The following MTMR3 variants were observed in gnomAD, a reference collection of about 807,000 sequenced individuals.
MTMR3 encodes the protein phosphatidylinositol-3,5-bisphosphate 3-phosphatase MTMR3.
Under a neutral mutation model 132.4 loss-of-function variants are expected in MTMR3, and 32 were observed. The ratio of observed to expected loss-of-function variants is 0.24; its 90% CI spans 0.18 to 0.32. The LOEUF (loss-of-function observed/expected upper bound fraction) is 0.32. Among genes scored for constraint, MTMR3 ranks in the 10% least tolerant of loss-of-function variants. MTMR3 has a pLI of 1.00. For synonymous variants in MTMR3, 556 were observed against 550.3 expected (o/e 1.01, Z -0.14); for missense variants, 1,216 against 1,489.6 (o/e 0.82, Z 3.02).
At chr22:30,024,597 C>T (rs1362030228) in intron 19 of MTMR3, 1 of 152,132 alleles carries the variant, frequency 6.6e-6, no homozygotes, top group Non-Finnish European at 1.5e-5. Flanking sequence ...ATCCTTAATC[C>T]AGCAGTGGGT....
At chr22:29,926,827 G>GT (rs757703643) in intron 1 of MTMR3, among the ~76,000 whole-genome samples, 76 of 152,250 alleles carry the variant, frequency 5.0e-4, no homozygotes, top group South Asian at 2.7e-3. Flanking sequence ...GCACAAAAAT[G>GT]TTTAATTTTG....
chr22:30,024,052 T>C (rs1484246034), intron 19 of MTMR3: 1 of 152,786 alleles, frequency 6.5e-6, no homozygotes, highest in African/African-American at 2.4e-5. Flanking sequence ...CCTAGCACTT[T>C]GGGAGGCCGA....
intron 1 of MTMR3, among the ~76,000 whole-genome samples, chr22:29,883,740 C>T (rs775410818): frequency 6.6e-5 from 10 of 152,166 alleles, no homozygotes; most frequent in Non-Finnish European, 1.3e-4. Flanking sequence ...GGTGGGTGTG[C>T]GCCCTTCGCC....
chr22:30,013,410 G>T lies in MTMR3; in HGVS notation c.1372G>T (p.Asp458Tyr). The change falls in exon 14 of 20, where the codon GAC (aspartate) becomes TAC (tyrosine). Residue 458 changes from aspartate (D) to tyrosine (Y), a missense_variant. By Grantham distance (160) the Asp-to-Tyr change is radical (BLOSUM62 -3). Coordinates refer to ENST00000401950, the MANE Select transcript of MTMR3 (RefSeq NM_021090.4). Reference protein sequence around the residue: ...EWLDFGHKFADRCGHGENSDD... With the variant: ...EWLDFGHKFAYRCGHGENSDD... ...GCTGGATTTTGGCCATAAATTTGCT[G>T]ACCGGTGTGGTCATGGGGAGAACTC... 1 of 1,614,068 alleles carries T rather than the reference G, an allele frequency of 6.2e-7. No individual in the cohort carries two copies. Among genetic ancestry groups the T allele is most frequent in the South Asian group, 1.1e-5 (1 of 91,026 alleles).
chr22:29,967,129 C>G (rs1349977386), intron 2 of MTMR3, among the ~76,000 whole-genome samples: 1 of 150,754 alleles, frequency 6.6e-6, no homozygotes. Flanking sequence ...GATACTGTAA[C>G]TTTTTTGCAG....
At chr22:29,945,712 G>GAAAAAAAAAAAAAAAAAAAAAAAAAA (rs1238843477) in intron 1 of MTMR3, among the ~76,000 whole-genome samples, 3 of 78,112 alleles carry the variant, frequency 3.8e-5, no homozygotes, top group African/African-American at 1.9e-4. Context: ...TCTTTAAAAT[G>GAAAAAAAAAAAAAAAAAAAAAAAAAA]AAAAAGAAAA....
chr22:29,932,533 A>G (rs573817020), intron 1 of MTMR3, among the ~76,000 whole-genome samples: 22 of 152,364 alleles, frequency 1.4e-4, no homozygotes, highest in Non-Finnish European at 1.6e-4. Flanking sequence ...ATTATGATTC[A>G]GATGATTAAT....
intron 1 of MTMR3, among the ~76,000 whole-genome samples, chr22:29,922,687 T>A (rs1407629655): frequency 6.6e-6 from 1 of 152,206 alleles, no homozygotes; most frequent in African/African-American, 2.4e-5. Context: ...GTGGAATTAC[T>A]GGATCATATG....
chr22:29,950,967 G>A (rs544252750), intron 1 of MTMR3, among the ~76,000 whole-genome samples: 3 of 152,056 alleles, frequency 2.0e-5, no homozygotes, highest in Admixed American at 1.3e-4. Context: ...CCTGGCCCAC[G>A]TGGTGAAACC....
chr22:29,971,679 C>T (rs1466924638), intron 3 of MTMR3, among the ~76,000 whole-genome samples: 1 of 152,016 alleles, frequency 6.6e-6, no homozygotes, highest in East Asian at 1.9e-4. Context: ...AGCAGCCCTG[C>T]ACACCCCCTC....
In MTMR3 at chr22:29,949,509, C is replaced by CCA. The variant is rs1555902916; in HGVS notation, c.-137-7527_-137-7526insCA. On this transcript the variant is annotated intron_variant, in intron 1 of 19. Transcript: ENST00000401950. The stretch of plus-strand genomic sequence containing the variant: ...AGACTCTGTCCCCCGCGCCCCCCCC[C>CCA]AAAAAAAAAAAACAACACACGTACA... Among the ~76,000 whole-genome samples, 356 of 124,586 alleles carry CCA rather than the reference C, an allele frequency of 2.9e-3. 18 individuals carry two copies. Among genetic ancestry groups the CCA allele is most frequent in the African/African-American group, 0.01 (328 of 31,788 alleles). The allele number at this position is 124,586 out of a possible 152,430, so 81.7% of individuals were successfully genotyped here. A position where few individuals can be genotyped will look rare whatever the true frequency, so the allele number is the denominator to read the frequency against.
rs1184328373 is a variant in MTMR3 at position 30,022,708 on chromosome 22, GGGGCTGTGGTAGGGT to G, written c.3425+20_3425+34del. 3.7e-6 allele frequency: 6 copies of G among 1,602,610 alleles called. No individual in the cohort carries two copies. The highest frequency in any genetic ancestry group is 5.1e-6 in the Non-Finnish European group (6 of 1,177,776). The stretch of plus-strand genomic sequence containing the variant: ...GAAGCACCACTGCAGGTACCATTGA[GGGGCTGTGGTAGGGT>G]GGGCTGTGTGTGGAGGTTGAGGGTC... On this transcript the variant is annotated intron_variant, in intron 19 of 19. Coordinates refer to ENST00000401950, the MANE Select transcript of MTMR3 (RefSeq NM_021090.4).
intron 1 of MTMR3, among the ~76,000 whole-genome samples, chr22:29,898,414 G>C (rs572898709): frequency 6.6e-6 from 1 of 152,136 alleles, no homozygotes; most frequent in Non-Finnish European, 1.5e-5. Flanking sequence ...ATAGTTATAA[G>C]TTTTTTGAGA....
At chr22:29,964,389 T>C (rs2066373853) in intron 2 of MTMR3, among the ~76,000 whole-genome samples, 1 of 152,236 alleles carries the variant, frequency 6.6e-6, no homozygotes, top group South Asian at 2.1e-4. Context: ...ATGCTCTTTC[T>C]AGTTTTAAAA....
chr22:29,912,427 G>T (rs2065231765), intron 1 of MTMR3, among the ~76,000 whole-genome samples: 2 of 152,090 alleles, frequency 1.3e-5, no homozygotes, highest in African/African-American at 4.8e-5. Context: ...GGGATTACAG[G>T]TGTGCGCTAC....
rs116421627 is a variant in MTMR3, at chr22:29,931,957, T to C, written c.-137-25079T>C. On this transcript the variant is annotated intron_variant, in intron 1 of 19. Coordinates refer to ENST00000401950, the MANE Select transcript of MTMR3 (RefSeq NM_021090.4). ...TTCTTCTTTGCACATGTGCATTGATTTCACTGTACACCTTCTCAAAATTCT... is the reference window on the plus strand; with the variant it reads ...TTCTTCTTTGCACATGTGCATTGATCTCACTGTACACCTTCTCAAAATTCT... Among the ~76,000 whole-genome samples, 681 of 152,270 alleles carry C rather than the reference T, an allele frequency of 4.5e-3. 6 individuals carry two copies. The highest frequency in any genetic ancestry group is 0.015 in the African/African-American group (643 of 41,558).
chr22:29,893,815 A>G (rs1015520608), intron 1 of MTMR3, among the ~76,000 whole-genome samples: 7 of 152,010 alleles, frequency 4.6e-5, no homozygotes, highest in Admixed American at 2.0e-4. Flanking sequence ...AGCATGTATT[A>G]CTTTTATACG....
chr22:30,012,578 A>T lies in MTMR3; in HGVS notation c.1317+15A>T. 6.3e-7 allele frequency: 1 copy of T among 1,585,054 alleles called. No homozygotes were observed. The highest frequency in any genetic ancestry group is 8.6e-7 in the Non-Finnish European group (1 of 1,164,854). ...GAACCATAGAGGTGAGCCCATCCAA[A>T]TGGGAGGGGTTGGTACTTCAGGATG... is the stretch of plus-strand genomic sequence containing the variant. On this transcript the variant is annotated intron_variant, in intron 13 of 19. Coordinates refer to ENST00000401950, the MANE Select transcript of MTMR3 (RefSeq NM_021090.4).
chr22:29,979,877 G>A (rs1301761915), intron 5 of MTMR3: 1 of 152,142 alleles, frequency 6.6e-6, no homozygotes, highest in African/African-American at 2.4e-5. Context: ...CTGAAGAAAA[G>A]GAAGCCTCTT....
Sources: allele counts gnomAD v4.1 joint callset (sites outside exome capture counted in the v4.1 genomes callset), GRCh38; gene constraint gnomAD v4.1.1; transcripts MANE v1.5; gene names NCBI Gene and HGNC (gene_info 2026-07-23, HGNC 2026-07-21).